The following CCDC15 variants were observed in gnomAD, a reference collection of about 807,000 sequenced individuals.
CCDC15 encodes coiled-coil domain-containing protein 15.
Under a neutral mutation model 114.5 loss-of-function variants are expected in CCDC15, and 105 were observed. The observed-to-expected ratio is 0.92, with a 90% CI of 0.78 to 1.08. The LOEUF (loss-of-function observed/expected upper bound fraction) is 1.08. Ranked by LOEUF, CCDC15 falls within the 50% of genes least tolerant of loss-of-function variation. The pLI, the probability that CCDC15 is intolerant of heterozygous loss-of-function variation, is 0.00. For synonymous variants in CCDC15, 334 were observed against 377.8 expected (o/e 0.88, Z 1.34); for missense variants, 1,105 against 1,093.6 (o/e 1.01, Z -0.15).
chr11:124,984,416 G>T (rs1948123394), intron 6 of CCDC15, among the ~76,000 whole-genome samples: 1 of 152,092 alleles, frequency 6.6e-6, no homozygotes, highest in Non-Finnish European at 1.5e-5. Context: ...GTAGACAGGG[G>T]TGCACTCATG....
intron 11 of CCDC15, among the ~76,000 whole-genome samples, chr11:124,997,744 C>T (rs1948399609): frequency 6.6e-6 from 1 of 152,044 alleles, no homozygotes; most frequent in African/African-American, 2.4e-5. Context: ...GAGTTTGAGA[C>T]CAGACTTGCC....
chr11:125,010,420 T>A (rs757894999), intron 13 of CCDC15, among the ~76,000 whole-genome samples: 1 of 151,626 alleles, frequency 6.6e-6, no homozygotes, highest in South Asian at 2.1e-4. Flanking sequence ...CTCTGTCCAG[T>A]GGCACATTCT....
At chr11:124,987,038 A>G (rs1020530127) in intron 7 of CCDC15, 89 bp from the exon 8 acceptor site, 99 of 1,364,982 alleles carry the variant, frequency 7.3e-5, no homozygotes, top group Non-Finnish European at 9.3e-5. Context: ...CTTCACTGCC[A>G]TATCATTTTG....
At chr11:125,007,032 A>G (rs1948557669) in intron 13 of CCDC15, among the ~76,000 whole-genome samples, 1 of 152,228 alleles carries the variant, frequency 6.6e-6, no homozygotes, top group South Asian at 2.1e-4. Flanking sequence ...TATGATGTGT[A>G]ATGATCAAAT....
chr11:125,003,351 A>G (rs955521780), intron 11 of CCDC15, among the ~76,000 whole-genome samples: 1 of 151,968 alleles, frequency 6.6e-6, no homozygotes, highest in Non-Finnish European at 1.5e-5. Flanking sequence ...GTAATGTCCA[A>G]GTAGATATAC....
At chr11:124,975,428 A>T (rs2135459123) in intron 5 of CCDC15, among the ~76,000 whole-genome samples, 1 of 152,308 alleles carries the variant, frequency 6.6e-6, no homozygotes, top group Non-Finnish European at 1.5e-5. Context: ...AGTGTCTGTG[A>T]TATAAAGTTA....
intron 13 of CCDC15, among the ~76,000 whole-genome samples, chr11:125,011,629 G>T (rs1948594074): frequency 6.6e-6 from 1 of 152,186 alleles, no homozygotes; most frequent in Non-Finnish European, 1.5e-5. Flanking sequence ...ATTATTTTAA[G>T]TGCTTTCACA....
At chr11:124,973,308 C>T (rs1275584630) in intron 4 of CCDC15, among the ~76,000 whole-genome samples, 1 of 151,672 alleles carries the variant, frequency 6.6e-6, no homozygotes, top group Non-Finnish European at 1.5e-5. Flanking sequence ...GTAATAACAC[C>T]TACCTTAAGT....
At chr11:125,004,499 A>G (rs963566726) in intron 12 of CCDC15, among the ~76,000 whole-genome samples, 3 of 152,050 alleles carry the variant, frequency 2.0e-5, no homozygotes, top group Non-Finnish European at 2.9e-5. Flanking sequence ...ATTTTTACCA[A>G]AAAGCCCTGC....
At chr11:125,012,025 C>G (rs775966036) in intron 13 of CCDC15, among the ~76,000 whole-genome samples, 1 of 152,180 alleles carries the variant, frequency 6.6e-6, no homozygotes, top group African/African-American at 2.4e-5. Context: ...TAGGTACATG[C>G]CCTGTAAGTG....
At chr11:124,958,247 T>C (rs558860786) in intron 2 of CCDC15, among the ~76,000 whole-genome samples, 55 of 152,296 alleles carry the variant, frequency 3.6e-4, no homozygotes, top group African/African-American at 1.2e-3. Flanking sequence ...GTGTTCCAGA[T>C]TGTTCAGAAC....
rs141915356 is a variant in CCDC15, at chr11:124,975,120, C to T, written c.541C>T (p.Arg181Cys). The T allele has an allele frequency of 2.1e-4, 334 of 1,587,060 alleles. No individual in the cohort carries two copies. The highest frequency in any genetic ancestry group is 2.6e-4 in the Non-Finnish European group (301 of 1,168,944). ...QALSETMKQA[R>C]HRLASFKTVI... is the part of the protein sequence containing the mutation. ...GCTTAGTGAAACTATGAAACAGGCA[C>T]GTCACCGGCTAGCATCCTTTAAAAC... Residue 181 changes from arginine to cysteine, a missense_variant, in exon 5 of 16, where the codon CGT becomes TGT. By Grantham distance (180) the Arg-to-Cys change is radical. Coordinates refer to ENST00000344762, the MANE Select transcript of CCDC15 (RefSeq NM_025004.3).
At chr11:125,010,322 G>A (rs1406150891) in intron 13 of CCDC15, among the ~76,000 whole-genome samples, 1 of 149,624 alleles carries the variant, frequency 6.7e-6, no homozygotes, top group Non-Finnish European at 1.5e-5. Context: ...CTTTTGAGAA[G>A]TATTTATTCA....
chr11:125,041,225 CTT>C lies in CCDC15; in HGVS notation c.*515_*516del, dbSNP rs1948815036. On this transcript the variant is annotated 3_prime_UTR_variant, in exon 16 of 16. Coordinates refer to ENST00000344762, the MANE Select transcript of CCDC15 (RefSeq NM_025004.3). ...ATTTTTTTCCTCAGCATTTTTTCCT[CTT>C]GTTTTTTAAAATGTATTGCCTCTTT... 1 of 152,098 alleles carries C rather than the reference CTT, an allele frequency of 6.6e-6. No homozygotes were observed. Among genetic ancestry groups the C allele is most frequent in the Non-Finnish European group, 1.5e-5 (1 of 68,016 alleles). The allele number at this position is 152,098 out of a possible 1,614,324, so 9.4% of individuals were successfully genotyped here.
intron 13 of CCDC15, among the ~76,000 whole-genome samples, chr11:125,034,930 C>CAT (rs924149383): frequency 1.6e-4 from 25 of 151,948 alleles, no homozygotes; most frequent in Admixed American, 7.9e-4. Context: ...TATAAACTCT[C>CAT]ATATATATAT....
intron 11 of CCDC15, 124 bp downstream of exon 11, chr11:124,993,367 C>T: frequency 1.6e-6 from 1 of 639,346 alleles, no homozygotes; most frequent in Non-Finnish European, 2.8e-6. Flanking sequence ...AATGTAACTG[C>T]TTCAGGAATT....
chr11:124,983,572 C>T lies in CCDC15; in HGVS notation c.754-3170C>T, dbSNP rs531869641. Among the ~76,000 whole-genome samples, 3 of 152,154 alleles carry T rather than the reference C, an allele frequency of 2.0e-5. No individual in the cohort carries two copies. The South Asian group carries it at 6.2e-4, about 32-fold the overall frequency. On this transcript the variant is annotated intron_variant, in intron 6 of 15. Transcript: ENST00000344762. ...CAGAACTCAGCTCATGACTCTTGGACTGTGTGCTCCAAATCTGGGGGGCTG... is the reference window on the plus strand; with the variant it reads ...CAGAACTCAGCTCATGACTCTTGGATTGTGTGCTCCAAATCTGGGGGGCTG...
intron 4 of CCDC15, among the ~76,000 whole-genome samples, chr11:124,965,886 A>T (rs1014523805): frequency 9.2e-5 from 14 of 152,130 alleles, no homozygotes; most frequent in Admixed American, 8.5e-4. Flanking sequence ...TTCTGCCTTC[A>T]TTTTGTTATT....
At chr11:124,985,493 G>T (rs1037197466) in intron 6 of CCDC15, among the ~76,000 whole-genome samples, 1 of 152,044 alleles carries the variant, frequency 6.6e-6, no homozygotes, top group African/African-American at 2.4e-5. Context: ...ACTTATTATT[G>T]TCCTTCTCTT....
Sources: allele counts gnomAD v4.1 joint callset (sites outside exome capture counted in the v4.1 genomes callset), GRCh38; gene constraint gnomAD v4.1.1; transcripts MANE v1.5; gene names NCBI Gene and HGNC (gene_info 2026-07-23, HGNC 2026-07-21).